The following SRRM1 variants were observed in gnomAD, a reference collection of about 807,000 sequenced individuals.
SRRM1 encodes serine and arginine repetitive matrix 1.
In SRRM1, 19 loss-of-function variants were observed where a neutral mutation model predicts 110.2. That is an observed-to-expected ratio of 0.17 (90% confidence interval 0.12 to 0.25). The LOEUF is 0.25. Ranked by LOEUF, SRRM1 falls within the 10% of genes least tolerant of loss-of-function variation. The probability of loss-of-function intolerance (pLI) is 1.00; values close to 1 mark genes in which losing one functional copy is unlikely to be tolerated. For missense variants in SRRM1, 918 were observed against 1,145.8 expected, an observed-to-expected ratio of 0.80 and a Z score of 2.87; for synonymous variants, 443 against 414.9, an observed-to-expected ratio of 1.07 and a Z score of -0.82.
intron 1 of SRRM1, among the ~76,000 whole-genome samples, chr1:24,644,800 G>A (rs754176810): frequency 2.0e-5 from 3 of 152,140 alleles, no homozygotes; most frequent in Non-Finnish European, 4.4e-5. Context: ...ACAAGTGAAA[G>A]CCTTTTCTGA....
In SRRM1 at chr1:24,652,543, C is replaced by T; in HGVS notation, c.835C>T (p.Arg279Trp). ...GAAGGAGAAGACCCGACCACGATCT[C>T]GGTCACGCTCCAAATCAAGATCCCG... The part of the protein sequence containing the change: ...KEKEKTRPRS[R>W]SRSKSRSRTR... The change falls in exon 7 of 17, where the codon CGG becomes TGG. Residue 279 changes from arginine (R) to tryptophan (W), a missense_variant. Coordinates refer to ENST00000323848, the MANE Select transcript of SRRM1 (RefSeq NM_005839.4). 3 of 1,613,844 alleles carry T rather than the reference C, an allele frequency of 1.9e-6. No individual in the cohort carries two copies. The highest frequency in any genetic ancestry group is 2.2e-5 in the South Asian group (2 of 91,030).
intron 4 of SRRM1, 136 bp downstream of exon 4, chr1:24,649,165 T>A (rs1466019528): frequency 6.6e-5 from 46 of 695,910 alleles, no homozygotes; most frequent in Middle Eastern, 3.9e-4. Flanking sequence ...CATTCAGTTT[T>A]GGTTCACTGC....
chr1:24,648,730 C>CTA (rs1193726260), intron 3 of SRRM1, 129 bp from the exon 4 acceptor site: 18 of 716,822 alleles, frequency 2.5e-5, no homozygotes, highest in Non-Finnish European at 4.1e-5. Flanking sequence ...ATAGTAAGGA[C>CTA]TATATATATG....
In SRRM1 at chr1:24,669,435, C is replaced by T; in HGVS notation, c.2052C>T (p.Pro684=). The T allele has an allele frequency of 5.0e-6, 8 of 1,614,206 alleles. No individual in the cohort carries two copies. Among genetic ancestry groups the T allele is most frequent in the Non-Finnish European group, 6.8e-6 (8 of 1,180,048 alleles). ...CACAACCAAACAAACGGCATTCGCCCTCACCACGGCCTCGAGCTCCTCAGA... is the reference window on the plus strand; with the variant it reads ...CACAACCAAACAAACGGCATTCGCCTTCACCACGGCCTCGAGCTCCTCAGA... ...RSPQPNKRHS[P]SPRPRAPQTS... is the part of the protein sequence containing the mutation. The change falls in exon 14 of 17, where the codon CCC becomes CCT. Residue 684 remains proline (P), a synonymous_variant. Transcript: ENST00000323848.
chr1:24,660,710 C>CT lies in SRRM1; in HGVS notation c.1316-3dup. 1 of 1,526,990 alleles carries CT rather than the reference C, an allele frequency of 6.5e-7. No homozygotes were observed. Among genetic ancestry groups the CT allele is most frequent in the Non-Finnish European group, 8.8e-7 (1 of 1,134,344 alleles). 94.6% of individuals were successfully genotyped at this position (1,526,990 alleles called of 1,614,324 possible). ...ACGTAAGCTTTTTTCCACTCTTATT[C>CT]TTTTTTAGTGACAAAACATAAAGGT... On this transcript the variant is annotated splice_polypyrimidine_tract_variant and intron_variant, in intron 9 of 16. Coordinates refer to ENST00000323848, the MANE Select transcript of SRRM1 (RefSeq NM_005839.4).
intron 14 of SRRM1, 54 bp from the exon 15 acceptor site, chr1:24,670,066 A>C: frequency 1.4e-6 from 2 of 1,464,926 alleles, no homozygotes; most frequent in Non-Finnish European, 1.8e-6. Context: ...TGGTTTTCTC[A>C]TGTGAAGAGA....
intron 15 of SRRM1, 92 bp downstream of exon 15, chr1:24,670,407 G>GTCATT: frequency 7.5e-7 from 1 of 1,331,090 alleles, no homozygotes; most frequent in Non-Finnish European, 1.0e-6. Flanking sequence ...TTAAAATATT[G>GTCATT]GTGTTTAAAC....
intron 8 of SRRM1, chr1:24,654,183 T>C (rs1662681866): frequency 3.1e-6 from 2 of 655,696 alleles, no homozygotes; most frequent in Non-Finnish European, 2.3e-6. Context: ...ACTGGAGTTT[T>C]GCAAACAGCA....
At chr1:24,658,865 C>T (rs1372513127) in intron 9 of SRRM1, among the ~76,000 whole-genome samples, 1 of 152,088 alleles carries the variant, frequency 6.6e-6, no homozygotes, top group East Asian at 1.9e-4. Context: ...TTACCCAATC[C>T]AGTGATTTGT....
intron 4 of SRRM1, 51 bp downstream of exon 4, chr1:24,649,080 T>A (rs1356880553): frequency 1.3e-6 from 2 of 1,538,668 alleles, no homozygotes; most frequent in Non-Finnish European, 1.8e-6. Flanking sequence ...TTGGCCAGGC[T>A]GCCGAGACAC....
chr1:24,653,819 C>CAGTT (rs1295867267), intron 8 of SRRM1, among the ~76,000 whole-genome samples: 1 of 152,152 alleles, frequency 6.6e-6, no homozygotes, highest in Non-Finnish European at 1.5e-5. Context: ...ATTAAGCTTC[C>CAGTT]AGTTATTTTG....
At chr1:24,661,483 G>C in intron 11 of SRRM1, 87 bp downstream of exon 11, 1 of 912,920 alleles carries the variant, frequency 1.1e-6, no homozygotes, top group South Asian at 1.8e-5. Context: ...TGCAGCATGA[G>C]TACTTACTTG....
chr1:24,660,777 A>G lies in SRRM1; in HGVS notation c.1374A>G (p.Arg458=). The part of the protein sequence containing the change: ...RESPSPAPKP[R]KVELSESEED... ...CCCCTTCACCAGCACCGAAGCCTAG[A>G]AAAGTAGAGTTATCTGAATCGGGTA... The change falls in exon 10 of 17, where the codon AGA becomes AGG. Residue 458 remains arginine, a synonymous_variant. Coordinates refer to ENST00000323848, the MANE Select transcript of SRRM1 (RefSeq NM_005839.4). The G allele has an allele frequency of 6.3e-7, 1 of 1,596,192 alleles. No individual in the cohort carries two copies. The highest frequency in any genetic ancestry group is 8.5e-7 in the Non-Finnish European group (1 of 1,173,018).
rs775933447 is a variant in SRRM1 at position 24,660,790 on chromosome 1, T to C, written c.1387T>C (p.Ser463Pro). Residue 463 changes from serine (S) to proline (P), a missense_variant, in exon 10 of 17, where the codon TCT becomes CCT. Ser to Pro is a moderately conservative substitution (Grantham distance 74). Around this residue, in one of 5 missense-constraint regions of SRRM1, gnomAD observed 456 missense variants for 453.5 expected, o/e 1.01. Transcript: ENST00000323848. ...ACCGAAGCCTAGAAAAGTAGAGTTATCTGAATCGGGTAAGTTTGTTGTTTT... is the reference window on the plus strand; with the variant it reads ...ACCGAAGCCTAGAAAAGTAGAGTTACCTGAATCGGGTAAGTTTGTTGTTTT... ...PAPKPRKVEL[S>P]ESEEDKGGKM... The C allele has an allele frequency of 4.4e-6, 7 of 1,594,536 alleles. No individual in the cohort carries two copies. In the East Asian group the frequency reaches 1.1e-4, roughly 26 times the overall value.
At chr1:24,658,029 C>G (rs1166517224) in intron 9 of SRRM1, among the ~76,000 whole-genome samples, 5 of 152,052 alleles carry the variant, frequency 3.3e-5, no homozygotes, top group Non-Finnish European at 5.9e-5. Context: ...TTTCTGACTT[C>G]ATGCTAGAAT....
chr1:24,662,044 C>G (rs961177759), intron 11 of SRRM1, among the ~76,000 whole-genome samples: 1 of 152,168 alleles, frequency 6.6e-6, no homozygotes, highest in East Asian at 1.9e-4. Flanking sequence ...GAGCTGAGAT[C>G]GCGCCACTGC....
chr1:24,670,965 G>A (rs766711375), intron 15 of SRRM1, among the ~76,000 whole-genome samples: 6 of 152,174 alleles, frequency 3.9e-5, no homozygotes, highest in Non-Finnish European at 7.3e-5. Flanking sequence ...CTAGAGACAT[G>A]GCATTCATAC....
intron 4 of SRRM1, 78 bp downstream of exon 4, chr1:24,649,107 C>A: frequency 7.5e-7 from 1 of 1,328,498 alleles, no homozygotes; most frequent in Non-Finnish European, 1.1e-6. Context: ...TAGTATATGA[C>A]TCAGCTAGGA....
In SRRM1 at chr1:24,660,764, C is replaced by T. The variant is rs748892867; in HGVS notation, c.1361C>T (p.Ala454Val). ...GTEKRESPSP[A>V]PKPRKVELSE... ...GAGAAAAGAGAATCCCCTTCACCAGCACCGAAGCCTAGAAAAGTAGAGTTA... is the reference window on the plus strand; with the variant it reads ...GAGAAAAGAGAATCCCCTTCACCAGTACCGAAGCCTAGAAAAGTAGAGTTA... Residue 454 changes from alanine (A) to valine (V), a missense_variant, in exon 10 of 17, where the codon GCA becomes GTA. By Grantham distance (64) the Ala-to-Val change is moderately conservative. Coordinates refer to ENST00000323848, the MANE Select transcript of SRRM1 (RefSeq NM_005839.4). The T allele has an allele frequency of 6.3e-7, 1 of 1,593,158 alleles. No individual in the cohort carries two copies. Among genetic ancestry groups the T allele is most frequent in the Admixed American group, 1.8e-5 (1 of 56,136 alleles).
Sources: allele counts gnomAD v4.1 joint callset (sites outside exome capture counted in the v4.1 genomes callset), GRCh38; gene constraint gnomAD v4.1.1; regional missense constraint gnomAD v4.1.1; transcripts MANE v1.5; gene names NCBI Gene and HGNC (gene_info 2026-07-23, HGNC 2026-07-21).